The following OR1D2 variants were observed in gnomAD, a reference collection of about 807,000 sequenced individuals.
The protein encoded by OR1D2 is olfactory receptor 1D2.
For missense variants in OR1D2, 357 were observed against 376.1 expected, an observed-to-expected ratio of 0.95 and a Z score of 0.42; for synonymous variants, 157 against 153.9, an observed-to-expected ratio of 1.02 and a Z score of -0.15.
chr17:3,104,288 T>C lies in OR1D2; in HGVS notation c.-240A>G, dbSNP rs2047887571. 1 of 152,210 alleles carries C rather than the reference T, an allele frequency of 6.6e-6. No homozygotes were observed. Among genetic ancestry groups the C allele is most frequent in the Non-Finnish European group, 1.5e-5 (1 of 68,054 alleles). The allele number at this position is 152,210 out of a possible 1,614,324, so 9.4% of individuals were successfully genotyped here. A position where few individuals can be genotyped will look rare whatever the true frequency, so the allele number is the denominator to read the frequency against. On this transcript the variant is annotated 5_prime_UTR_variant, in exon 1 of 2. Coordinates refer to ENST00000641833, the MANE Select transcript of OR1D2 (RefSeq NM_002548.3). ...ACTTGTTGCCTGGGTCTTCAGCTTC[T>C]GTAAAAAAGGAGACAGGATTTCAGG...
In OR1D2 at chr17:3,090,187, G is replaced by A. The variant is rs2047798048; in HGVS notation, c.*1871C>T. 6.6e-6 allele frequency: 1 copy of A among 152,032 alleles called. No homozygotes were observed. The allele number at this position is 152,032 out of a possible 1,614,324, so 9.4% of individuals were successfully genotyped here. ...GTTTCTCTTACTAGTACTTTCAAATGACCTGTTTTTGAGTAGTGAATTCTT... is the reference window on the plus strand; with the variant it reads ...GTTTCTCTTACTAGTACTTTCAAATAACCTGTTTTTGAGTAGTGAATTCTT... On this transcript the variant is annotated 3_prime_UTR_variant, in exon 2 of 2. Transcript: ENST00000641833.
chr17:3,099,258 A>G (rs2047863708), intron 1 of OR1D2, among the ~76,000 whole-genome samples: 1 of 152,184 alleles, frequency 6.6e-6, no homozygotes, highest in Admixed American at 6.5e-5. Context: ...GAAGGAAAAA[A>G]TGTTAAGGGC....
At chr17:3,100,432 A>G (rs1218717029) in intron 1 of OR1D2, among the ~76,000 whole-genome samples, 3 of 152,236 alleles carry the variant, frequency 2.0e-5, no homozygotes, top group Non-Finnish European at 4.4e-5. Context: ...ACTTCTCAGT[A>G]AATAATGAAA....
rs186458766 is a variant in OR1D2 at position 3,091,887 on chromosome 17, C to T, written c.*171G>A. Reference sequence around the variant, plus strand: ...TTATTTACGGCCAAGGCTGATGAGACCTGGGGGACACCAGGTTACAAATAT... The same window carrying T: ...TTATTTACGGCCAAGGCTGATGAGATCTGGGGGACACCAGGTTACAAATAT... On this transcript the variant is annotated 3_prime_UTR_variant, in exon 2 of 2. Coordinates refer to ENST00000641833, the MANE Select transcript of OR1D2 (RefSeq NM_002548.3). The T allele has an allele frequency of 1.2e-5, 7 of 585,876 alleles. No individual in the cohort carries two copies. The East Asian group carries it at 1.7e-4, about 14-fold the overall frequency. 36.3% of individuals were successfully genotyped at this position (585,876 alleles called of 1,614,324 possible). A position where few individuals can be genotyped will look rare whatever the true frequency, so the allele number is the denominator to read the frequency against.
chr17:3,092,372 T>G lies in OR1D2; in HGVS notation c.625A>C (p.Ile209Leu). 1 of 1,614,146 alleles carries G rather than the reference T, an allele frequency of 6.2e-7. No individual in the cohort carries two copies. Among genetic ancestry groups the G allele is most frequent in the Non-Finnish European group, 8.5e-7 (1 of 1,180,026 alleles). ...LIATGCFIFL[I>L]PFGFVIISYV... ...GAAATGATCACGAATCCAAAGGGAA[T>G]GAGGAAGATGAAGCAGCCTGTGGCA... The change falls in exon 2 of 2, where the codon ATT becomes CTT. Residue 209 changes from isoleucine (I) to leucine (L), a missense_variant. Physicochemically the swap from Ile to Leu is conservative, Grantham distance 5 (BLOSUM62 2). Coordinates refer to ENST00000641833, the MANE Select transcript of OR1D2 (RefSeq NM_002548.3).
rs2047794647 is a variant in OR1D2, at chr17:3,089,637, TGC to T, written c.*2419_*2420del. 3 of 152,136 alleles carry T rather than the reference TGC, an allele frequency of 2.0e-5. No homozygotes were observed. The South Asian group carries it at 6.2e-4, about 32-fold the overall frequency. The allele number at this position is 152,136 out of a possible 1,614,324, so 9.4% of individuals were successfully genotyped here. ...TGCCCTTTGTCTTCGGCTACCAGGG[TGC>T]GTAGAGAAAGACCATTAGGTTGGGG... On this transcript the variant is annotated 3_prime_UTR_variant, in exon 2 of 2. Coordinates refer to ENST00000641833, the MANE Select transcript of OR1D2 (RefSeq NM_002548.3).
chr17:3,099,314 T>G (rs1024297559), intron 1 of OR1D2, among the ~76,000 whole-genome samples: 1 of 152,110 alleles, frequency 6.6e-6, no homozygotes, highest in African/African-American at 2.4e-5. Context: ...ACCATCAGAC[T>G]AACAGTGGAT....
rs914636307 is a variant in OR1D2 at position 3,104,303 on chromosome 17, A to G, written c.-255T>C. 2.0e-5 allele frequency: 3 copies of G among 152,212 alleles called. No homozygotes were observed. The highest frequency in any genetic ancestry group is 7.2e-5 in the African/African-American group (3 of 41,454). 9.4% of individuals were successfully genotyped at this position (152,212 alleles called of 1,614,324 possible). On this transcript the variant is annotated 5_prime_UTR_variant, in exon 1 of 2. Transcript: ENST00000641833. Reference sequence around the variant, plus strand: ...CTTCAGCTTCTGTAAAAAAGGAGACAGGATTTCAGGCTATTGATGCCCCAA... The same window carrying G: ...CTTCAGCTTCTGTAAAAAAGGAGACGGGATTTCAGGCTATTGATGCCCCAA...
chr17:3,092,556 C>T lies in OR1D2; in HGVS notation c.441G>A (p.Leu147=), dbSNP rs1325524136. 2 of 1,613,884 alleles carry T rather than the reference C, an allele frequency of 1.2e-6. No individual in the cohort carries two copies. Among genetic ancestry groups the T allele is most frequent in the East Asian group, 2.2e-5 (1 of 44,882 alleles). ...CATAGAGGACGGATAGGACCCAACA[C>T]AAGGAAAGGAGTAAGATACAGAGCT... ...SPKLCILLLS[L]CWVLSVLYGL... is the part of the protein sequence containing the mutation. The change falls in exon 2 of 2, where the codon TTG becomes TTA. Residue 147 remains leucine (L), a synonymous_variant. Coordinates refer to ENST00000641833, the MANE Select transcript of OR1D2 (RefSeq NM_002548.3).
At position 3,092,424 on chromosome 17, in the gene OR1D2, G is replaced by C; in HGVS notation, c.573C>G (p.Asn191Lys). The change falls in exon 2 of 2, where the codon AAC becomes AAG. Residue 191 changes from asparagine to lysine, a missense_variant. Asn to Lys is a moderately conservative substitution (Grantham distance 94). Transcript: ENST00000641833. Reference sequence around the variant, plus strand: ...TCAGCACTGTGTGATTAATCTGAATGTTGGAACATGCCATCCTCAGCAATA... The same window carrying C: ...TCAGCACTGTGTGATTAATCTGAATCTTGGAACATGCCATCCTCAGCAATA... ...MYVLLRMACS[N>K]IQINHTVLIA... 3 of 1,614,226 alleles carry C rather than the reference G, an allele frequency of 1.9e-6. No individual in the cohort carries two copies. The highest frequency in any genetic ancestry group is 4.5e-5 in the East Asian group (2 of 44,880).
At chr17:3,102,544 A>C (rs1219325728) in intron 1 of OR1D2, among the ~76,000 whole-genome samples, 2 of 152,152 alleles carry the variant, frequency 1.3e-5, no homozygotes, top group Non-Finnish European at 2.9e-5. Flanking sequence ...TGTTTCTGTT[A>C]TCCTGCTTTA....
In OR1D2 at chr17:3,089,443, GTT is replaced by G. The variant is rs2151705972; in HGVS notation, c.*2613_*2614del. The G allele has an allele frequency of 6.6e-6, 1 of 152,368 alleles. No individual in the cohort carries two copies. Among genetic ancestry groups the G allele is most frequent in the South Asian group, 2.1e-4 (1 of 4,826 alleles). The allele number at this position is 152,368 out of a possible 1,614,324, so 9.4% of individuals were successfully genotyped here. A position where few individuals can be genotyped will look rare whatever the true frequency, so the allele number is the denominator to read the frequency against. On this transcript the variant is annotated 3_prime_UTR_variant, in exon 2 of 2. Transcript: ENST00000641833. ...TTTATCTAGGAGTCTATGGTCCTTG[GTT>G]GAAGTTTTGTTTAGTGTACTAGTTG...
rs1023304857 is a variant in OR1D2, at chr17:3,103,511, ACT to A, written c.-51+586_-51+587del. 3.9e-5 allele frequency among the ~76,000 whole-genome samples: 6 copies of A among 151,994 alleles called. No homozygotes were observed. The South Asian group carries it at 8.3e-4, about 21-fold the overall frequency. On this transcript the variant is annotated intron_variant, in intron 1 of 1. Transcript: ENST00000641833. ...AAAAAGCTGACTTTCTGACTTTCTG[ACT>A]CTCTCTCTTGAAGTCCTGAAGTCTC...
Position 3,091,615 on chromosome 17 carries a change from CTA to C in OR1D2, c.*441_*442del, listed in dbSNP as rs2047808847. 1 of 166,802 alleles carries C rather than the reference CTA, an allele frequency of 6.0e-6. No individual in the cohort carries two copies. Among genetic ancestry groups the C allele is most frequent in the Admixed American group, 5.5e-5 (1 of 18,278 alleles). The allele number at this position is 166,802 out of a possible 1,614,324, so 10.3% of individuals were successfully genotyped here. A position where few individuals can be genotyped will look rare whatever the true frequency, so the allele number is the denominator to read the frequency against. ...TGAATTGAACACCACCTGTCGAGGT[CTA>C]TATCACGTGCTGGATCAGCTGATAC... On this transcript the variant is annotated 3_prime_UTR_variant, in exon 2 of 2. Transcript: ENST00000641833.
At chr17:3,100,971 GGAA>G (rs1400523316) in intron 1 of OR1D2, among the ~76,000 whole-genome samples, 1 of 152,078 alleles carries the variant, frequency 6.6e-6, no homozygotes, top group African/African-American at 2.4e-5. Flanking sequence ...GGCTAAACCA[GGAA>G]GAAGTCAAAT....
At chr17:3,103,688 C>A (rs1328131079) in intron 1 of OR1D2, among the ~76,000 whole-genome samples, 1 of 152,096 alleles carries the variant, frequency 6.6e-6, no homozygotes, top group East Asian at 1.9e-4. Flanking sequence ...ACACAGACCC[C>A]TCTGTTGTGT....
chr17:3,101,232 C>T (rs1375602041), intron 1 of OR1D2, among the ~76,000 whole-genome samples: 1 of 152,218 alleles, frequency 6.6e-6, no homozygotes, highest in East Asian at 1.9e-4. Context: ...AAGAAGTCTT[C>T]AGGCCAATAT....
Position 3,091,917 on chromosome 17 carries a change from T to C in OR1D2, c.*141A>G. On this transcript the variant is annotated 3_prime_UTR_variant, in exon 2 of 2. Coordinates refer to ENST00000641833, the MANE Select transcript of OR1D2 (RefSeq NM_002548.3). ...GGGACACCAGGTTACAAATATGTCTTTTTTATCACCACATATCTATATGCT... is the reference window on the plus strand; with the variant it reads ...GGGACACCAGGTTACAAATATGTCTCTTTTATCACCACATATCTATATGCT... 1 of 672,584 alleles carries C rather than the reference T, an allele frequency of 1.5e-6. No homozygotes were observed. Among genetic ancestry groups the C allele is most frequent in the Non-Finnish European group, 2.5e-6 (1 of 393,838 alleles). The allele number at this position is 672,584 out of a possible 1,614,324, so 41.7% of individuals were successfully genotyped here. A position where few individuals can be genotyped will look rare whatever the true frequency, so the allele number is the denominator to read the frequency against.
In OR1D2 at chr17:3,092,187, G is replaced by C; in HGVS notation, c.810C>G (p.Asp270Glu). The C allele has an allele frequency of 6.2e-7, 1 of 1,614,174 alleles. No homozygotes were observed. Among genetic ancestry groups the C allele is most frequent in the Non-Finnish European group, 8.5e-7 (1 of 1,180,016 alleles). Residue 270 changes from aspartate (D) to glutamate (E), a missense_variant, in exon 2 of 2, where the codon GAC becomes GAG. By Grantham distance (45) the Asp-to-Glu change is conservative (BLOSUM62 2). Coordinates refer to ENST00000641833, the MANE Select transcript of OR1D2 (RefSeq NM_002548.3). ...LKPLHTYSVKDSVATVMYAVV... is the reference protein window; with the variant it reads ...LKPLHTYSVKESVATVMYAVV... Reference sequence around the variant, plus strand: ...CAGCATACATCACTGTGGCTACTGAGTCCTTCACAGAGTAGGTATGGAGGG... The same window carrying C: ...CAGCATACATCACTGTGGCTACTGACTCCTTCACAGAGTAGGTATGGAGGG...
Sources: allele counts gnomAD v4.1 joint callset (sites outside exome capture counted in the v4.1 genomes callset), GRCh38; gene constraint gnomAD v4.1.1; transcripts MANE v1.5; gene names NCBI Gene and HGNC (gene_info 2026-07-23, HGNC 2026-07-21).